The following NPAS3 variants were observed in gnomAD, a reference collection of about 807,000 sequenced individuals.
The protein encoded by NPAS3 is neuronal PAS domain-containing protein 3.
NPAS3 carries 14 observed loss-of-function variants against 73.1 expected under a neutral mutation model. The observed-to-expected ratio is 0.19, with a 90% CI of 0.13 to 0.30. The LOEUF (loss-of-function observed/expected upper bound fraction) is 0.30. NPAS3 is among the 10% of genes least tolerant of loss of function. NPAS3 has a pLI of 1.00. For missense variants in NPAS3, 1,096 were observed against 1,250.0 expected (o/e 0.88, Z 1.86); for synonymous variants, 620 against 541.5 (o/e 1.14, Z -2.01).
At chr14:32,989,535 G>T (rs1007556993) in intron 1 of NPAS3, among the ~76,000 whole-genome samples, 12 of 151,866 alleles carry the variant, frequency 7.9e-5, no homozygotes, top group Non-Finnish European at 1.3e-4. Context: ...TCCCAGCTAC[G>T]CGGCAGGCTG....
chr14:33,160,503 A>T (rs1202387238), intron 2 of NPAS3, among the ~76,000 whole-genome samples: 11 of 40,174 alleles, frequency 2.7e-4, no homozygotes, highest in East Asian at 7.9e-4. Flanking sequence ...GGGTGGGGGG[A>T]GGGGGGAGGG....
chr14:33,258,590 G>A (rs989634123), intron 3 of NPAS3, among the ~76,000 whole-genome samples: 1 of 152,150 alleles, frequency 6.6e-6, no homozygotes, highest in African/African-American at 2.4e-5. Flanking sequence ...CATTAGAATT[G>A]TCCATACATT....
intron 4 of NPAS3, among the ~76,000 whole-genome samples, chr14:33,393,675 C>T (rs71419944): frequency 0.058 from 8,771 of 152,050 alleles, 364 homozygotes; most frequent in Non-Finnish European, 0.078. Context: ...AAAGAAGGGC[C>T]CCTTGCTTGT....
chr14:33,126,434 A>G (rs1424137627), intron 2 of NPAS3, among the ~76,000 whole-genome samples: 2 of 151,952 alleles, frequency 1.3e-5, no homozygotes, highest in African/African-American at 4.8e-5. Flanking sequence ...AATGTTGAAA[A>G]TGTAGATCCC....
chr14:33,110,262 A>G (rs1008357928), intron 2 of NPAS3, among the ~76,000 whole-genome samples: 1 of 152,174 alleles, frequency 6.6e-6, no homozygotes, highest in Non-Finnish European at 1.5e-5. Context: ...CTGCCTGTAT[A>G]AAATGATTTG....
chr14:32,985,583 G>A (rs2038063783), intron 1 of NPAS3, among the ~76,000 whole-genome samples: 1 of 152,210 alleles, frequency 6.6e-6, no homozygotes, highest in South Asian at 2.1e-4. Context: ...ACTTACTAGG[G>A]AAGATTTTTC....
chr14:33,728,445 G>A (rs2061326579), intron 6 of NPAS3, among the ~76,000 whole-genome samples: 1 of 152,148 alleles, frequency 6.6e-6, no homozygotes, highest in Admixed American at 6.5e-5. Flanking sequence ...AACTGGGTAG[G>A]GACAGGAATC....
intron 2 of NPAS3, among the ~76,000 whole-genome samples, chr14:33,102,203 T>C (rs772758404): frequency 1.3e-5 from 2 of 152,162 alleles, no homozygotes; most frequent in Non-Finnish European, 1.5e-5. Context: ...TTTATGAGGT[T>C]GGTTCCCATC....
intron 1 of NPAS3, among the ~76,000 whole-genome samples, chr14:32,972,635 T>G (rs1412127105): frequency 2.6e-5 from 4 of 152,182 alleles, no homozygotes; most frequent in Non-Finnish European, 5.9e-5. Context: ...CACCCATTGC[T>G]CTCCCTCTTA....
At position 33,581,041 on chromosome 14, in the gene NPAS3, G is replaced by C. The variant is rs891457071; in HGVS notation, c.558+20831G>C. On this transcript the variant is annotated intron_variant, in intron 5 of 11. Coordinates refer to ENST00000356141, the Ensembl canonical transcript of NPAS3. ...ACAGATGGCTATAAACATGACACTG[G>C]GATATTAGTCTTGGCTTTTCTTGAC... Among the ~76,000 whole-genome samples the C allele has an allele frequency of 1.4e-4, 21 of 152,122 alleles. 1 individual carries two copies. The highest frequency in any genetic ancestry group is 2.2e-4 in the Non-Finnish European group (15 of 68,034).
intron 5 of NPAS3, among the ~76,000 whole-genome samples, chr14:33,587,428 T>C (rs997074280): frequency 3.3e-5 from 5 of 152,208 alleles, no homozygotes; most frequent in African/African-American, 1.2e-4. Context: ...TTCTCACATG[T>C]AATAACTGGG....
chr14:33,016,015 T>C (rs2039377014), intron 1 of NPAS3, among the ~76,000 whole-genome samples: 1 of 152,188 alleles, frequency 6.6e-6, no homozygotes, highest in African/African-American at 2.4e-5. Context: ...ATTGTAAAAC[T>C]ATCAGTCGTG....
chr14:33,265,121 TAATTC>T (rs1186067866), intron 3 of NPAS3, among the ~76,000 whole-genome samples: 2 of 152,200 alleles, frequency 1.3e-5, no homozygotes, highest in Non-Finnish European at 2.9e-5. Flanking sequence ...TCCCTCGTGT[TAATTC>T]AAGGCAGCTG....
chr14:33,344,937 C>CGA (rs2044659220), intron 3 of NPAS3, among the ~76,000 whole-genome samples: 1 of 152,142 alleles, frequency 6.6e-6, no homozygotes, highest in African/African-American at 2.4e-5. Flanking sequence ...GCCTCCCATT[C>CGA]CTCCTGGATA....
At chr14:33,040,070 T>C (rs1003863533) in intron 1 of NPAS3, among the ~76,000 whole-genome samples, 2 of 152,206 alleles carry the variant, frequency 1.3e-5, no homozygotes, top group Non-Finnish European at 2.9e-5. Flanking sequence ...TCTTTTTTTT[T>C]ACTCCAGTGA....
chr14:33,446,116 T>G (rs1378933831), intron 4 of NPAS3, among the ~76,000 whole-genome samples: 1 of 151,882 alleles, frequency 6.6e-6, no homozygotes, highest in Non-Finnish European at 1.5e-5. Context: ...TTCTTCCAGT[T>G]TTCATCTTGG....
At chr14:33,595,017 T>C (rs1168606207) in intron 5 of NPAS3, among the ~76,000 whole-genome samples, 2 of 152,144 alleles carry the variant, frequency 1.3e-5, no homozygotes, top group Non-Finnish European at 2.9e-5. Context: ...TTGCCTAAGA[T>C]TCCATCTGAA....
chr14:33,425,540 CTTTTTT>C (rs35858110), intron 4 of NPAS3, among the ~76,000 whole-genome samples: 15 of 140,470 alleles, frequency 1.1e-4, no homozygotes, highest in African/African-American at 3.9e-4. Context: ...TCCACTCCAC[CTTTTTT>C]TTTTTTTTTA....
chr14:33,728,277 G>T (rs1345907702), intron 6 of NPAS3, among the ~76,000 whole-genome samples: 2 of 152,178 alleles, frequency 1.3e-5, no homozygotes. Flanking sequence ...GGTGGCATTG[G>T]TTGGCAGACT....
Sources: allele counts gnomAD v4.1 joint callset (sites outside exome capture counted in the v4.1 genomes callset), GRCh38; gene constraint gnomAD v4.1.1; transcripts MANE v1.5; gene names NCBI Gene and HGNC (gene_info 2026-07-23, HGNC 2026-07-21).